Variants in CDH13 observed in about 807,000 individuals in gnomAD.
The protein encoded by CDH13 is cadherin 13.
Under a neutral mutation model 63.8 loss-of-function variants are expected in CDH13, and 24 were observed. The ratio of observed to expected loss-of-function variants is 0.38; its 90% CI spans 0.27 to 0.53. The LOEUF (loss-of-function observed/expected upper bound fraction) is 0.53, where lower values mean the gene tolerates loss of function less well. Ranked by LOEUF, CDH13 falls within the 20% of genes least tolerant of loss-of-function variation. The pLI is 0.85. For missense variants in CDH13, 1,049 were observed against 903.1 expected (o/e 1.16, Z -2.07); for synonymous variants, 503 against 355.3 (o/e 1.42, Z -4.67).
At chr16:82,877,758 C>G (rs534770374) in intron 2 of CDH13, among the ~76,000 whole-genome samples, 1 of 151,816 alleles carries the variant, frequency 6.6e-6, no homozygotes, top group South Asian at 2.1e-4. Context: ...TCAAATCTCT[C>G]CTAAAGTTAC....
rs144069013 is a variant in CDH13, at chr16:83,167,200, T to TA, written c.483+41713dup. The stretch of plus-strand genomic sequence containing the variant: ...CTTGTCTGTAAGTGAAATGTAGTAT[T>TA]AAAAAAAAAAAAAAGGCCGGGCACA... On this transcript the variant is annotated intron_variant, in intron 4 of 13. Transcript: ENST00000567109. 1.2e-3 allele frequency among the ~76,000 whole-genome samples: 167 copies of TA among 139,746 alleles called. 1 individual carries two copies. The Middle Eastern group carries it at 0.019, about 16-fold the overall frequency. 91.7% of individuals were successfully genotyped at this position (139,746 alleles called of 152,430 possible). A position where few individuals can be genotyped will look rare whatever the true frequency, so the allele number is the denominator to read the frequency against.
intron 1 of CDH13, among the ~76,000 whole-genome samples, chr16:82,767,059 C>T (rs1341100108): frequency 6.6e-6 from 1 of 152,140 alleles, no homozygotes; most frequent in Non-Finnish European, 1.5e-5. Context: ...GGACACATTT[C>T]AAAATAAATT....
At chr16:83,048,403 C>T (rs534960472) in intron 3 of CDH13, among the ~76,000 whole-genome samples, 66 of 152,262 alleles carry the variant, frequency 4.3e-4, no homozygotes, top group Non-Finnish European at 8.1e-4. Flanking sequence ...GAGGTATTCA[C>T]GCTCCTGGAC....
At chr16:82,869,782 G>A (rs967981129) in intron 2 of CDH13, among the ~76,000 whole-genome samples, 1 of 152,168 alleles carries the variant, frequency 6.6e-6, no homozygotes, top group African/African-American at 2.4e-5. Flanking sequence ...TCCATATGCA[G>A]AAGAATGATA....
intron 10 of CDH13, among the ~76,000 whole-genome samples, chr16:83,691,211 C>G (rs918026723): frequency 1.3e-5 from 2 of 152,082 alleles, no homozygotes; most frequent in African/African-American, 4.8e-5. Context: ...GCTTTGCAAG[C>G]TCGCTGGAGA....
chr16:83,281,899 C>T (rs546772091), intron 5 of CDH13, among the ~76,000 whole-genome samples: 42 of 152,174 alleles, frequency 2.8e-4, no homozygotes, highest in Non-Finnish European at 5.1e-4. Context: ...GGCAACAGAG[C>T]GGGACTCCGT....
intron 13 of CDH13, among the ~76,000 whole-genome samples, chr16:83,794,116 G>A (rs768906491): frequency 6.6e-6 from 1 of 152,196 alleles, no homozygotes; most frequent in Non-Finnish European, 1.5e-5. Context: ...GCCTCCAGAA[G>A]GAGCACAGCC....
At chr16:82,944,932 C>T (rs1904532827) in intron 2 of CDH13, among the ~76,000 whole-genome samples, 1 of 152,014 alleles carries the variant, frequency 6.6e-6, no homozygotes, top group Admixed American at 6.6e-5. Context: ...TAAAAAAATA[C>T]ACAGGGGGAA....
intron 7 of CDH13, among the ~76,000 whole-genome samples, chr16:83,512,344 A>AT (rs1036245069): frequency 2.7e-5 from 4 of 146,220 alleles, no homozygotes; most frequent in Non-Finnish European, 6.0e-5. Flanking sequence ...AAATAAATAA[A>AT]TAAATAAATA....
chr16:83,081,618 A>T (rs1342990129), intron 3 of CDH13, among the ~76,000 whole-genome samples: 1 of 152,084 alleles, frequency 6.6e-6, no homozygotes, highest in Non-Finnish European at 1.5e-5. Flanking sequence ...CCAGCAGGGT[A>T]GGGTTTTTGG....
chr16:83,627,691 T>C (rs1910436799), intron 8 of CDH13, among the ~76,000 whole-genome samples: 1 of 152,064 alleles, frequency 6.6e-6, no homozygotes, highest in Middle Eastern at 3.2e-3. Context: ...GCTGGGGTTA[T>C]AGGTACACGC....
At chr16:83,748,412 A>G (rs1263318995) in intron 11 of CDH13, among the ~76,000 whole-genome samples, 162 bp downstream of exon 11, 1 of 152,230 alleles carries the variant, frequency 6.6e-6, no homozygotes, top group African/African-American at 2.4e-5. Context: ...TGAGTTCAGT[A>G]ATATCTCCAA....
rs148795678 is a variant in CDH13 at position 83,621,461 on chromosome 16, C to G, written c.1101+18867C>G. Reference sequence around the variant, plus strand: ...TCAACTTACTGCTGGCCCTCTTGCTCTCACCTCACCTGCCTTTTTTTTTTT... The same window carrying G: ...TCAACTTACTGCTGGCCCTCTTGCTGTCACCTCACCTGCCTTTTTTTTTTT... On this transcript the variant is annotated intron_variant, in intron 8 of 13. Transcript: ENST00000567109. Among the ~76,000 whole-genome samples, 493 of 144,380 alleles carry G rather than the reference C, an allele frequency of 3.4e-3. 1 individual carries two copies. The highest frequency in any genetic ancestry group is 0.012 in the African/African-American group (465 of 38,674). The allele number at this position is 144,380 out of a possible 152,430, so 94.7% of individuals were successfully genotyped here.
Position 83,799,623 on chromosome 16 carries a change from T to G in CDH13, c.*4593T>G, listed in dbSNP as rs544978919. 1 of 152,298 alleles carries G rather than the reference T, an allele frequency of 6.6e-6. No homozygotes were observed. The highest frequency in any genetic ancestry group is 1.9e-4 in the East Asian group (1 of 5,192). The allele number at this position is 152,298 out of a possible 1,614,324, so 9.4% of individuals were successfully genotyped here. On this transcript the variant is annotated 3_prime_UTR_variant, in exon 14 of 14. Coordinates refer to ENST00000567109, the MANE Select transcript of CDH13 (RefSeq NM_001257.5). ...TTTTCTGTTTACCAAATACTAAGAA[T>G]AATAATCTAATAATCTGGCTACATC...
chr16:83,584,289 A>T (rs1004481392), intron 7 of CDH13, among the ~76,000 whole-genome samples: 2 of 152,246 alleles, frequency 1.3e-5, no homozygotes, highest in African/African-American at 4.8e-5. Flanking sequence ...AGATCGTGCC[A>T]CTGCACTCCA....
At chr16:83,661,482 C>CA (rs35875178) in intron 8 of CDH13, among the ~76,000 whole-genome samples, 28,824 of 116,612 alleles carry the variant, frequency 0.25, 3,025 homozygotes, top group East Asian at 0.44. Flanking sequence ...GACCCTGTCT[C>CA]AAAAAAAAAA....
At chr16:82,953,824 T>C (rs1905646303) in intron 2 of CDH13, 1 of 152,104 alleles carries the variant, frequency 6.6e-6, no homozygotes, top group South Asian at 2.1e-4. Context: ...TTCCAGTCAA[T>C]TATTTGTTTT....
At chr16:83,317,363 A>G (rs959296941) in intron 5 of CDH13, among the ~76,000 whole-genome samples, 17 of 152,190 alleles carry the variant, frequency 1.1e-4, no homozygotes, top group Non-Finnish European at 2.4e-4. Context: ...TGTGGAACTT[A>G]CCAGCAAGCT....
At chr16:83,079,978 A>T (rs1174570866) in intron 3 of CDH13, among the ~76,000 whole-genome samples, 1 of 152,228 alleles carries the variant, frequency 6.6e-6, no homozygotes, top group Admixed American at 6.5e-5. Context: ...AATGCTTTTT[A>T]AAAGTACTTT....
Sources: gnomAD v4.1 joint callset for allele counts (sites outside exome capture counted in the v4.1 genomes callset) on GRCh38, gnomAD v4.1.1 for gene constraint, MANE v1.5 for transcripts, NCBI Gene and HGNC (gene_info 2026-07-23, HGNC 2026-07-21) for gene names.